The following SIRT5 variants were observed in gnomAD, a reference collection of about 807,000 sequenced individuals.
SIRT5 encodes the protein sirtuin 5, also known as NAD-dependent protein deacylase sirtuin-5, mitochondrial.
SIRT5 carries 26 observed loss-of-function variants against 40.0 expected under a neutral mutation model. The observed-to-expected ratio is 0.65, with a 90% CI of 0.48 to 0.90. The LOEUF is 0.90. SIRT5 is among the 40% of genes least tolerant of loss of function. The probability of loss-of-function intolerance (pLI) is 0.00; values close to 1 mark genes in which losing one functional copy is unlikely to be tolerated. For synonymous variants in SIRT5, 146 were observed against 149.1 expected (o/e 0.98, Z 0.15); for missense variants, 401 against 402.4 (o/e 1.00, Z 0.03).
Position 13,596,113 on chromosome 6 carries a change from C to T in SIRT5, c.563+549C>T, listed in dbSNP as rs559808451. 1.6e-4 allele frequency among the ~76,000 whole-genome samples: 24 copies of T among 152,208 alleles called. No individual in the cohort carries two copies. The Middle Eastern group carries it at 0.01, about 65-fold the overall frequency. ...CCTAAATTTGTACACACAATGAGTT[C>T]GTGTATCTGTATATAGTTAAAAGAC... On this transcript the variant is annotated intron_variant, in intron 6 of 9. Transcript: ENST00000606117.
At chr6:13,604,908 T>C in intron 9 of SIRT5, 1 of 1,005,922 alleles carries the variant, frequency 9.9e-7, no homozygotes, top group Non-Finnish European at 1.2e-6. Flanking sequence ...GCAAGCTACT[T>C]ATCAACCAGA....
At position 13,599,238 on chromosome 6, in the gene SIRT5, C is replaced by T. The variant is rs1762043860; in HGVS notation, c.741+83C>T. Reference sequence around the variant, plus strand: ...CCCCCTCTCCTCTTTTCCTTCCTCCCTCCCTTGCTTCTTTCCTTCCCGCCT... The same window carrying T: ...CCCCCTCTCCTCTTTTCCTTCCTCCTTCCCTTGCTTCTTTCCTTCCCGCCT... On this transcript the variant is annotated intron_variant, in intron 8 of 9. Coordinates refer to ENST00000606117, the MANE Select transcript of SIRT5 (RefSeq NM_012241.5). The T allele has an allele frequency of 1.1e-5, 16 of 1,451,912 alleles. No homozygotes were observed. The South Asian group carries it at 2.0e-4, about 18-fold the overall frequency. The allele number at this position is 1,451,912 out of a possible 1,614,324, so 89.9% of individuals were successfully genotyped here.
chr6:13,606,541 C>G (rs775896523), intron 9 of SIRT5, among the ~76,000 whole-genome samples: 4 of 152,078 alleles, frequency 2.6e-5, no homozygotes, highest in Non-Finnish European at 5.9e-5. Context: ...GGGAAGCCCT[C>G]CTAGTCCATG....
intron 5 of SIRT5, among the ~76,000 whole-genome samples, chr6:13,593,826 A>G (rs1395779924): frequency 1.3e-5 from 2 of 152,216 alleles, no homozygotes; most frequent in Admixed American, 1.3e-4. Context: ...ATAAAGTATG[A>G]GTATGATAAA....
At chr6:13,598,945 T>C in intron 7 of SIRT5, 87 bp from the exon 8 acceptor site, 3 of 1,525,912 alleles carry the variant, frequency 2.0e-6, no homozygotes, top group Non-Finnish European at 2.7e-6. Context: ...CATCTGGATG[T>C]ACTAGGTTTG....
rs1239278827 is a variant in SIRT5 at position 13,613,934 on chromosome 6, T to C, written c.*2069T>C. ...CTAAGGCCTAGAGATTTCAAAACTG[T>C]TCTTTGCAATTCCTCTCATACTGAA... On this transcript the variant is annotated 3_prime_UTR_variant, in exon 10 of 10. Transcript: ENST00000606117. 6.6e-6 allele frequency: 1 copy of C among 152,258 alleles called. No individual in the cohort carries two copies. Among genetic ancestry groups the C allele is most frequent in the East Asian group, 1.9e-4 (1 of 5,206 alleles). The allele number at this position is 152,258 out of a possible 1,614,324, so 9.4% of individuals were successfully genotyped here. A position where few individuals can be genotyped will look rare whatever the true frequency, so the allele number is the denominator to read the frequency against.
chr6:13,580,651 C>T (rs377403230), intron 2 of SIRT5, among the ~76,000 whole-genome samples: 1 of 152,100 alleles, frequency 6.6e-6, no homozygotes, highest in Non-Finnish European at 1.5e-5. Flanking sequence ...CTCTCTTTCT[C>T]CCTCACTCTC....
At chr6:13,593,611 T>TTAGGTTAAAAAAAATCAA (rs1318425152) in intron 5 of SIRT5, among the ~76,000 whole-genome samples, 3 of 152,310 alleles carry the variant, frequency 2.0e-5, no homozygotes, top group Non-Finnish European at 4.4e-5. Context: ...CTCTTCTAAC[T>TTAGGTTAAAAAAAATCAA]TAGGTTAAAA....
chr6:13,606,223 G>T (rs1005173549), intron 9 of SIRT5, among the ~76,000 whole-genome samples: 2 of 152,180 alleles, frequency 1.3e-5, no homozygotes, highest in Admixed American at 1.3e-4. Flanking sequence ...TGGGATAAGA[G>T]CTTTTCAGAC....
intron 4 of SIRT5, among the ~76,000 whole-genome samples, chr6:13,591,051 AGTT>A (rs1418345151): frequency 6.7e-6 from 1 of 148,928 alleles, no homozygotes; most frequent in Admixed American, 6.7e-5. Flanking sequence ...TAGTATATGT[AGTT>A]GTGTGTGTGT....
At position 13,591,869 on chromosome 6, in the gene SIRT5, C is replaced by G. The variant is rs753500895; in HGVS notation, c.450C>G (p.Gly150=). The G allele has an allele frequency of 6.2e-7, 1 of 1,613,592 alleles. No homozygotes were observed. Among genetic ancestry groups the G allele is most frequent in the Non-Finnish European group, 8.5e-7 (1 of 1,179,512 alleles). ...TCGATGAGCTGCACCGCAAGGCTGG[C>G]ACCAAGAACCTTCTGGAGATCCATG... ...QNIDELHRKA[G]TKNLLEIHGS... The change falls in exon 5 of 10, where the codon GGC becomes GGG. Residue 150 remains glycine, a synonymous_variant. Transcript: ENST00000606117.
intron 2 of SIRT5, among the ~76,000 whole-genome samples, chr6:13,582,544 T>C (rs189284472): frequency 6.6e-6 from 1 of 151,660 alleles, no homozygotes; most frequent in East Asian, 1.9e-4. Flanking sequence ...GTTTTATGAG[T>C]TTTGACAGAT....
chr6:13,583,804 G>A (rs1759690202), intron 2 of SIRT5, among the ~76,000 whole-genome samples: 1 of 152,102 alleles, frequency 6.6e-6, no homozygotes, highest in Non-Finnish European at 1.5e-5. Context: ...GACGCTGCTG[G>A]TCTAGGGAAC....
chr6:13,578,089 A>G (rs1758854479), intron 1 of SIRT5, among the ~76,000 whole-genome samples: 1 of 152,168 alleles, frequency 6.6e-6, no homozygotes, highest in Admixed American at 6.5e-5. Flanking sequence ...CCATTTTGTT[A>G]ATATGGTATA....
intron 3 of SIRT5, 147 bp from the exon 4 acceptor site, chr6:13,588,184 G>A: frequency 1.0e-6 from 1 of 992,276 alleles, no homozygotes. Context: ...GGTCACATGG[G>A]GATGGTGTTT....
At chr6:13,594,556 C>T (rs1190802993) in intron 5 of SIRT5, among the ~76,000 whole-genome samples, 1 of 152,216 alleles carries the variant, frequency 6.6e-6, no homozygotes, top group Non-Finnish European at 1.5e-5. Context: ...TCTGGGTAGG[C>T]TTGCTTGGTC....
intron 8 of SIRT5, among the ~76,000 whole-genome samples, chr6:13,600,238 T>G (rs892732667): frequency 6.6e-6 from 1 of 152,224 alleles, no homozygotes; most frequent in Non-Finnish European, 1.5e-5. Context: ...GCGTATTCAT[T>G]CAGCCAGTAT....
At chr6:13,576,283 G>GT (rs1399176630) in intron 1 of SIRT5, among the ~76,000 whole-genome samples, 1 of 152,162 alleles carries the variant, frequency 6.6e-6, no homozygotes, top group African/African-American at 2.4e-5. Context: ...GTGTACCAGG[G>GT]TTCCCTTTTC....
chr6:13,590,183 C>T (rs1760654372), intron 4 of SIRT5, among the ~76,000 whole-genome samples: 1 of 152,128 alleles, frequency 6.6e-6, no homozygotes, highest in Admixed American at 6.5e-5. Flanking sequence ...ATTGTGTGTA[C>T]AGTTTGATGA....
Sources: gnomAD v4.1 joint callset for allele counts (sites outside exome capture counted in the v4.1 genomes callset) on GRCh38, gnomAD v4.1.1 for gene constraint, MANE v1.5 for transcripts, NCBI Gene and HGNC (gene_info 2026-07-23, HGNC 2026-07-21) for gene names.